Variants in EDEM1 observed in about 807,000 individuals in gnomAD.
EDEM1 encodes the protein ER degradation enhancing alpha-mannosidase like protein 1.
In EDEM1, 67 loss-of-function variants were observed where a neutral mutation model predicts 74.4. The observed-to-expected ratio is 0.90, with a 90% CI of 0.74 to 1.10. The LOEUF is 1.10. Among genes scored for constraint, EDEM1 ranks in the 50% least tolerant of loss-of-function variants. The pLI, the probability that EDEM1 is intolerant of heterozygous loss-of-function variation, is 0.00. For missense variants in EDEM1, 926 were observed against 851.6 expected, an observed-to-expected ratio of 1.09 and a Z score of -1.09; for synonymous variants, 382 against 335.9, an observed-to-expected ratio of 1.14 and a Z score of -1.50.
chr3:5,217,256 C>T lies in EDEM1; in HGVS notation c.*1338C>T, dbSNP rs1384926325. 1.3e-5 allele frequency: 2 copies of T among 152,632 alleles called. No individual in the cohort carries two copies. The highest frequency in any genetic ancestry group is 4.8e-5 in the African/African-American group (2 of 41,448). The allele number at this position is 152,632 out of a possible 1,614,324, so 9.5% of individuals were successfully genotyped here. ...CTTAGCCAGAACATCTCTCTTTGAA[C>T]TCACACTGATACACACCTGCTACTC... On this transcript the variant is annotated 3_prime_UTR_variant, in exon 12 of 12. Transcript: ENST00000256497.
In EDEM1 at chr3:5,208,247, C is replaced by T. The variant is rs1216818517; in HGVS notation, c.1493C>T (p.Thr498Ile). ...CTGAGACCAGAGTTAGTGGAATCCA[C>T]ATATCTCCTCTACCAGGTACTAGAG... ...YPLRPELVES[T>I]YLLYQATKNP... The change falls in exon 8 of 12, where the codon ACA becomes ATA. Residue 498 changes from threonine to isoleucine, a missense_variant. By Grantham distance (89) the Thr-to-Ile change is moderately conservative. Transcript: ENST00000256497. The T allele has an allele frequency of 3.1e-6, 5 of 1,611,958 alleles. No homozygotes were observed. The highest frequency in any genetic ancestry group is 4.2e-6 in the Non-Finnish European group (5 of 1,179,366).
intron 5 of EDEM1, 67 bp from the exon 6 acceptor site, chr3:5,205,000 C>A (rs1422469092): frequency 6.5e-7 from 1 of 1,546,966 alleles, no homozygotes; most frequent in South Asian, 1.2e-5. Context: ...GAGTAGGAGG[C>A]CTGTCTCCAT....
chr3:5,198,191 GC>G (rs2054992873), intron 2 of EDEM1, among the ~76,000 whole-genome samples: 1 of 152,102 alleles, frequency 6.6e-6, no homozygotes, highest in Admixed American at 6.5e-5. Context: ...GGGATTACAG[GC>G]ATGCGCCACC....
Position 5,215,994 on chromosome 3 carries a change from A to G in EDEM1, c.*76A>G. 8.0e-7 allele frequency: 1 copy of G among 1,244,570 alleles called. No homozygotes were observed. The highest frequency in any genetic ancestry group is 1.2e-6 in the Non-Finnish European group (1 of 865,770). The allele number at this position is 1,244,570 out of a possible 1,614,324, so 77.1% of individuals were successfully genotyped here. ...AGACCATGCCAAAGTCCAGTCTGAA[A>G]TGAAAGGGGACAGAAGTCTTGCTGT... On this transcript the variant is annotated 3_prime_UTR_variant, in exon 12 of 12. Coordinates refer to ENST00000256497, the MANE Select transcript of EDEM1 (RefSeq NM_014674.3).
At chr3:5,188,730 A>T (rs901956571) in intron 1 of EDEM1, among the ~76,000 whole-genome samples, 2 of 152,186 alleles carry the variant, frequency 1.3e-5, no homozygotes, top group African/African-American at 4.8e-5. Context: ...CAGCCTCAGA[A>T]CAAGCCTTTA....
At chr3:5,201,184 G>T (rs1192962955) in intron 3 of EDEM1, among the ~76,000 whole-genome samples, 3 of 151,602 alleles carry the variant, frequency 2.0e-5, no homozygotes, top group Non-Finnish European at 4.4e-5. Flanking sequence ...AAGAGACAGG[G>T]TCCTGCTCTG....
intron 1 of EDEM1, 122 bp downstream of exon 1, chr3:5,188,436 A>C (rs1198134841): frequency 2.4e-5 from 27 of 1,140,190 alleles, no homozygotes; most frequent in Non-Finnish European, 3.1e-5. Flanking sequence ...GGTCCCGGGC[A>C]GCGCTCCCGC....
intron 1 of EDEM1, among the ~76,000 whole-genome samples, chr3:5,190,134 A>C (rs1316215302): frequency 1.3e-5 from 2 of 152,132 alleles, no homozygotes; most frequent in Non-Finnish European, 2.9e-5. Context: ...AGCTATTTTA[A>C]ATTTATTTTT....
intron 8 of EDEM1, among the ~76,000 whole-genome samples, 174 bp from the exon 9 acceptor site, chr3:5,210,001 G>A (rs896558907): frequency 3.3e-5 from 5 of 152,198 alleles, no homozygotes; most frequent in Non-Finnish European, 5.9e-5. Context: ...GTGAACTGAC[G>A]GAGTACCTTA....
chr3:5,187,741 G>A lies in EDEM1; in HGVS notation c.-65G>A, dbSNP rs746867028. The A allele has an allele frequency of 6.9e-7, 1 of 1,440,282 alleles. No individual in the cohort carries two copies. Among genetic ancestry groups the A allele is most frequent in the Non-Finnish European group, 9.1e-7 (1 of 1,097,496 alleles). The allele number at this position is 1,440,282 out of a possible 1,614,324, so 89.2% of individuals were successfully genotyped here. A position where few individuals can be genotyped will look rare whatever the true frequency, so the allele number is the denominator to read the frequency against. On this transcript the variant is annotated 5_prime_UTR_variant, in exon 1 of 12. Coordinates refer to ENST00000256497, the MANE Select transcript of EDEM1 (RefSeq NM_014674.3). ...GCGAGCCGGGCTACGGGGCGAGCGC[G>A]GGGTGCGGTGGTCGGCGGGGAGGCC... is the stretch of plus-strand genomic sequence containing the variant.
At chr3:5,189,408 G>C (rs1056322408) in intron 1 of EDEM1, 24 of 152,178 alleles carry the variant, frequency 1.6e-4, no homozygotes, top group African/African-American at 5.6e-4. Flanking sequence ...ATTGCAGTTT[G>C]AGAGCATGAT....
chr3:5,205,032 A>T (rs2055077742), intron 5 of EDEM1, 35 bp from the exon 6 acceptor site: 1 of 1,607,884 alleles, frequency 6.2e-7, no homozygotes, highest in East Asian at 2.2e-5. Context: ...CCGATGAGAC[A>T]GCTGGGACCT....
chr3:5,188,756 T>G (rs1170320215), intron 1 of EDEM1, among the ~76,000 whole-genome samples: 1 of 152,152 alleles, frequency 6.6e-6, no homozygotes, highest in Non-Finnish European at 1.5e-5. Flanking sequence ...CACCCCCACC[T>G]CTATCACATT....
At chr3:5,188,373 C>T (rs937325764) in intron 1 of EDEM1, 59 bp downstream of exon 1, 31 of 1,360,820 alleles carry the variant, frequency 2.3e-5, no homozygotes, top group Non-Finnish European at 2.9e-5. Flanking sequence ...GCCCTCCGCG[C>T]CGGGGTGCAG....
intron 5 of EDEM1, among the ~76,000 whole-genome samples, chr3:5,204,302 G>A (rs966741570): frequency 2.0e-5 from 3 of 151,654 alleles, no homozygotes; most frequent in African/African-American, 7.3e-5. Flanking sequence ...TTTCCAGGTT[G>A]TTGCCTTGCA....
Position 5,188,325 on chromosome 3 carries a change from C to A in EDEM1, c.509+11C>A. ...CGACCGCGGGGACCCGTGAGTAGCC[C>A]CCGCCGCCCGGGGCCGCGCGCCCAC... On this transcript the variant is annotated intron_variant, in intron 1 of 11. Transcript: ENST00000256497. 1.4e-6 allele frequency: 2 copies of A among 1,451,528 alleles called. No homozygotes were observed. The highest frequency in any genetic ancestry group is 9.1e-7 in the Non-Finnish European group (1 of 1,097,932). The allele number at this position is 1,451,528 out of a possible 1,614,324, so 89.9% of individuals were successfully genotyped here.
At chr3:5,215,782 A>T (rs565911540) in intron 11 of EDEM1, 47 bp from the exon 12 acceptor site, 2 of 1,522,104 alleles carry the variant, frequency 1.3e-6, no homozygotes, top group South Asian at 2.2e-5. Flanking sequence ...ATTTCCTGAG[A>T]GAGCAACATA....
Position 5,207,225 on chromosome 3 carries a change from G to C in EDEM1, c.1290G>C (p.Leu430=), listed in dbSNP as rs1355880684. The change falls in exon 7 of 12, where the codon CTG becomes CTC. Residue 430 remains leucine, a synonymous_variant. Transcript: ENST00000256497. ...ACGTGAACATGTTCAGTGGGCAGCT[G>C]ATGAACACCTGGATTGACTCTCTGC... is the stretch of plus-strand genomic sequence containing the variant. ...YVNVNMFSGQ[L]MNTWIDSLQA... is the part of the protein sequence containing the mutation. The C allele has an allele frequency of 1.2e-6, 2 of 1,614,184 alleles. No individual in the cohort carries two copies. Among genetic ancestry groups the C allele is most frequent in the Non-Finnish European group, 1.7e-6 (2 of 1,180,028 alleles).
chr3:5,189,999 T>G (rs56166602), intron 1 of EDEM1, among the ~76,000 whole-genome samples: 110,204 of 149,600 alleles, frequency 0.74, 43,750 homozygotes, highest in Middle Eastern at 0.87. Flanking sequence ...GTTTTTTTTT[T>G]GGGGGGGGGG....
Sources: allele counts gnomAD v4.1 joint callset (sites outside exome capture counted in the v4.1 genomes callset), GRCh38; gene constraint gnomAD v4.1.1; transcripts MANE v1.5; gene names NCBI Gene and HGNC (gene_info 2026-07-23, HGNC 2026-07-21).